The following ATP6V0D2 variants were observed in gnomAD, a reference collection of about 807,000 sequenced individuals.
ATP6V0D2 encodes the protein ATPase H+ transporting V0 subunit d2.
Under a neutral mutation model 40.0 loss-of-function variants are expected in ATP6V0D2, and 40 were observed. That is an observed-to-expected ratio of 1.00 (90% confidence interval 0.78 to 1.30). The LOEUF (loss-of-function observed/expected upper bound fraction) is 1.30, where lower values mean the gene tolerates loss of function less well. Ranked by LOEUF, ATP6V0D2 falls within the 50% of genes most tolerant of loss-of-function variation. The pLI is 0.00. For missense variants in ATP6V0D2, 470 were observed against 423.1 expected, an observed-to-expected ratio of 1.11 and a Z score of -0.97; for synonymous variants, 179 against 156.3, an observed-to-expected ratio of 1.15 and a Z score of -1.08.
chr8:86,135,953 C>T (rs960165712), intron 2 of ATP6V0D2, among the ~76,000 whole-genome samples: 2 of 152,152 alleles, frequency 1.3e-5, no homozygotes, highest in Admixed American at 6.5e-5. Flanking sequence ...AAACTGTCTT[C>T]TGGTTACATT....
In ATP6V0D2 at chr8:86,099,126, C is replaced by T; in HGVS notation, c.130+18C>T. The T allele has an allele frequency of 6.4e-7, 1 of 1,561,220 alleles. No homozygotes were observed. Among genetic ancestry groups the T allele is most frequent in the South Asian group, 1.2e-5 (1 of 83,596 alleles). Reference sequence around the variant, plus strand: ...CCTAGAAGGTAAGTGTAGCTCTTCTCACCCTTTAAAAAGAAAAAAAAAAAA... The same window carrying T: ...CCTAGAAGGTAAGTGTAGCTCTTCTTACCCTTTAAAAAGAAAAAAAAAAAA... On this transcript the variant is annotated intron_variant, in intron 1 of 7. Coordinates refer to ENST00000285393, the MANE Select transcript of ATP6V0D2 (RefSeq NM_152565.1).
At chr8:86,103,291 A>ATTT (rs938035037) in intron 1 of ATP6V0D2, among the ~76,000 whole-genome samples, 3 of 107,456 alleles carry the variant, frequency 2.8e-5, no homozygotes, top group Non-Finnish European at 6.1e-5. Flanking sequence ...CTAGTTTTGT[A>ATTT]TTTTTTTTTT....
intron 1 of ATP6V0D2, 24 bp downstream of exon 1, chr8:86,099,132 T>TAA: frequency 2.0e-6 from 3 of 1,530,638 alleles, no homozygotes; most frequent in Non-Finnish European, 2.6e-6. Context: ...TTCTCACCCT[T>TAA]TAAAAAGAAA....
intron 1 of ATP6V0D2, among the ~76,000 whole-genome samples, chr8:86,101,462 GAAAAAA>G (rs59915079): frequency 4.0e-4 from 31 of 78,196 alleles, no homozygotes; most frequent in African/African-American, 1.1e-3. Flanking sequence ...CCTGTCTCAG[GAAAAAA>G]AAAAAAAAAA....
At chr8:86,147,483 C>G (rs901788590) in intron 5 of ATP6V0D2, among the ~76,000 whole-genome samples, 1 of 152,156 alleles carries the variant, frequency 6.6e-6, no homozygotes, top group East Asian at 1.9e-4. Flanking sequence ...GAAACAGGAA[C>G]TAAGTCACAC....
At chr8:86,124,150 A>G (rs1284104916) in intron 2 of ATP6V0D2, among the ~76,000 whole-genome samples, 6 of 152,138 alleles carry the variant, frequency 3.9e-5, no homozygotes, top group Non-Finnish European at 7.4e-5. Flanking sequence ...GCACTCAGAG[A>G]TTCAATGGGA....
intron 2 of ATP6V0D2, among the ~76,000 whole-genome samples, chr8:86,117,443 C>G (rs1325820944): frequency 6.6e-6 from 1 of 152,150 alleles, no homozygotes; most frequent in Non-Finnish European, 1.5e-5. Context: ...CCTTTCTACT[C>G]CATTTCTGTA....
intron 2 of ATP6V0D2, among the ~76,000 whole-genome samples, chr8:86,122,534 A>C (rs1242590024): frequency 1.3e-5 from 2 of 152,160 alleles, no homozygotes; most frequent in Non-Finnish European, 2.9e-5. Context: ...GTCCTTGGAA[A>C]ACCAGATCAT....
rs142078527 is a variant in ATP6V0D2 at position 86,136,553 on chromosome 8, A to G, written c.303-2904A>G. The stretch of plus-strand genomic sequence containing the variant: ...TTTTAATATCTTTTTGAAGAGATAA[A>G]AAGGATTCTAAAATTCCATAATGTC... On this transcript the variant is annotated intron_variant, in intron 2 of 7. Transcript: ENST00000285393. Among the ~76,000 whole-genome samples, 131 of 152,348 alleles carry G rather than the reference A, an allele frequency of 8.6e-4. 1 individual carries two copies. The highest frequency in any genetic ancestry group is 2.7e-3 in the African/African-American group (114 of 41,580).
chr8:86,117,685 A>AGTAGAGATTAGATAGTC (rs1818607944), intron 2 of ATP6V0D2, among the ~76,000 whole-genome samples: 1 of 152,240 alleles, frequency 6.6e-6, no homozygotes, highest in East Asian at 1.9e-4. Flanking sequence ...TTAGATATGG[A>AGTAGAGATTAGATAGTC]CTTACATAGG....
chr8:86,106,198 T>C (rs539776928), intron 1 of ATP6V0D2, among the ~76,000 whole-genome samples: 1 of 152,120 alleles, frequency 6.6e-6, no homozygotes, highest in East Asian at 1.9e-4. Flanking sequence ...GGTAGCGTGA[T>C]CATGGCTCAA....
In ATP6V0D2 at chr8:86,113,752, G is replaced by A; in HGVS notation, c.174G>A (p.Leu58=). The part of the protein sequence containing the change: ...HLQTTDYGNF[L]ANHTNPLTVS... ...AGACTACTGATTATGGTAACTTTTTGGCTAATCACACAAATCCTCTTACTG... is the reference window on the plus strand; with the variant it reads ...AGACTACTGATTATGGTAACTTTTTAGCTAATCACACAAATCCTCTTACTG... The change falls in exon 2 of 8, where the codon TTG becomes TTA. Residue 58 remains leucine (L), a synonymous_variant. Coordinates refer to ENST00000285393, the MANE Select transcript of ATP6V0D2 (RefSeq NM_152565.1). 23 of 1,611,446 alleles carry A rather than the reference G, an allele frequency of 1.4e-5. No homozygotes were observed. Among genetic ancestry groups the A allele is most frequent in the Non-Finnish European group, 1.9e-5 (22 of 1,178,810 alleles).
At chr8:86,108,626 G>A (rs1414498718) in intron 1 of ATP6V0D2, among the ~76,000 whole-genome samples, 1 of 152,022 alleles carries the variant, frequency 6.6e-6, no homozygotes, top group East Asian at 1.9e-4. Context: ...GTAGAGACGG[G>A]GTCTCCCTAT....
chr8:86,099,137 A>T, intron 1 of ATP6V0D2, 29 bp downstream of exon 1: 1 of 1,546,142 alleles, frequency 6.5e-7, no homozygotes, highest in Non-Finnish European at 8.7e-7. Context: ...ACCCTTTAAA[A>T]AGAAAAAAAA....
intron 1 of ATP6V0D2, among the ~76,000 whole-genome samples, chr8:86,110,773 C>T (rs1818520122): frequency 6.6e-6 from 1 of 152,028 alleles, no homozygotes; most frequent in Non-Finnish European, 1.5e-5. Flanking sequence ...TTTTCAGTGC[C>T]AGTAGGTTAT....
intron 5 of ATP6V0D2, among the ~76,000 whole-genome samples, chr8:86,148,417 G>A (rs1187246372): frequency 6.6e-6 from 1 of 152,162 alleles, no homozygotes; most frequent in Non-Finnish European, 1.5e-5. Flanking sequence ...GAAAACACCT[G>A]TTCTTACATA....
At chr8:86,137,820 G>A (rs974155083) in intron 2 of ATP6V0D2, among the ~76,000 whole-genome samples, 9 of 152,130 alleles carry the variant, frequency 5.9e-5, no homozygotes, top group African/African-American at 2.2e-4. Flanking sequence ...AGCTTTGTGT[G>A]TCATCATGGG....
At position 86,113,842 on chromosome 8, in the gene ATP6V0D2, T is replaced by C. The variant is rs748972918; in HGVS notation, c.264T>C (p.His88=). 90 of 1,613,798 alleles carry C rather than the reference T, an allele frequency of 5.6e-5. No homozygotes were observed. The highest frequency in any genetic ancestry group is 7.5e-5 in the Non-Finnish European group (88 of 1,179,922). The part of the protein sequence containing the change: ...LCGEFEYFRN[H]SLEPLSTFLT... ...GAGAATTTGAGTATTTCCGGAATCATTCCCTGGAGCCCCTCAGCACATTTC... is the reference window on the plus strand; with the variant it reads ...GAGAATTTGAGTATTTCCGGAATCACTCCCTGGAGCCCCTCAGCACATTTC... Residue 88 remains histidine (H), a synonymous_variant, in exon 2 of 8, where the codon CAT becomes CAC. Coordinates refer to ENST00000285393, the MANE Select transcript of ATP6V0D2 (RefSeq NM_152565.1).
intron 2 of ATP6V0D2, among the ~76,000 whole-genome samples, chr8:86,117,872 T>A (rs10099368): frequency 0.62 from 94,633 of 151,772 alleles, 30,370 homozygotes; most frequent in Non-Finnish European, 0.71. Context: ...GGGTGTGCCA[T>A]ATAGGAAGGA....
Sources: allele counts gnomAD v4.1 joint callset (sites outside exome capture counted in the v4.1 genomes callset), GRCh38; gene constraint gnomAD v4.1.1; transcripts MANE v1.5; gene names NCBI Gene and HGNC (gene_info 2026-07-23, HGNC 2026-07-21).